Variants in RANBP17 observed in about 807,000 individuals in gnomAD.
RANBP17 encodes the protein RAN binding protein 17.
In RANBP17, 158 loss-of-function variants were observed where a neutral mutation model predicts 141.2. The observed-to-expected ratio is 1.12, with a 90% CI of 0.98 to 1.28. RANBP17 has a LOEUF of 1.28. Ranked by LOEUF, RANBP17 falls within the 50% of genes most tolerant of loss-of-function variation. The pLI is 0.00. For missense variants in RANBP17, 1,438 were observed against 1,290.7 expected, an observed-to-expected ratio of 1.11 and a Z score of -1.75; for synonymous variants, 430 against 450.0, an observed-to-expected ratio of 0.96 and a Z score of 0.56.
chr5:171,028,433 G>T (rs1242012998), intron 14 of RANBP17, among the ~76,000 whole-genome samples: 2 of 152,062 alleles, frequency 1.3e-5, no homozygotes, highest in African/African-American at 4.8e-5. Flanking sequence ...GTTAACCTCT[G>T]TAAGATATAT....
chr5:171,212,114 G>A (rs995165953), intron 20 of RANBP17, among the ~76,000 whole-genome samples: 1 of 152,176 alleles, frequency 6.6e-6, no homozygotes, highest in African/African-American at 2.4e-5. Flanking sequence ...TTAGGGAGAG[G>A]TAGGAGGCAA....
intron 9 of RANBP17, among the ~76,000 whole-genome samples, chr5:170,917,822 T>C (rs1227592370): frequency 6.6e-6 from 1 of 152,204 alleles, no homozygotes; most frequent in Non-Finnish European, 1.5e-5. Flanking sequence ...TAATGTTTCA[T>C]GGCTGTAAAA....
At chr5:170,929,466 T>G (rs1773170891) in intron 12 of RANBP17, among the ~76,000 whole-genome samples, 1 of 152,156 alleles carries the variant, frequency 6.6e-6, no homozygotes, top group African/African-American at 2.4e-5. Flanking sequence ...AGACCTTTTA[T>G]GCATCTATTC....
At chr5:170,876,758 T>A (rs1016744929) in intron 1 of RANBP17, among the ~76,000 whole-genome samples, 2 of 152,106 alleles carry the variant, frequency 1.3e-5, no homozygotes, top group African/African-American at 4.8e-5. Context: ...TGTGTATTCC[T>A]TTAATGAGAA....
intron 22 of RANBP17, among the ~76,000 whole-genome samples, chr5:171,225,353 T>C (rs1763823156): frequency 6.6e-6 from 1 of 152,246 alleles, no homozygotes; most frequent in Non-Finnish European, 1.5e-5. Context: ...ACATGCACTT[T>C]ACATAGAATA....
At chr5:171,257,770 G>A (rs775796328) in intron 24 of RANBP17, among the ~76,000 whole-genome samples, 11 of 152,170 alleles carry the variant, frequency 7.2e-5, no homozygotes, top group East Asian at 1.9e-4. Context: ...TGATCTATCC[G>A]AGAATGAAAT....
intron 5 of RANBP17, chr5:170,897,210 A>C: frequency 1.4e-6 from 1 of 690,688 alleles, no homozygotes; most frequent in Non-Finnish European, 2.7e-6. Flanking sequence ...GTGGATCACA[A>C]AGTTTTTGGC....
chr5:170,893,950 CCT>C (rs1362328210), intron 4 of RANBP17, among the ~76,000 whole-genome samples: 2 of 152,028 alleles, frequency 1.3e-5, no homozygotes, highest in African/African-American at 2.4e-5. Context: ...AAATTCAACC[CCT>C]GTCTAAGATA....
chr5:171,033,388 T>C lies in RANBP17; in HGVS notation c.1710+65011T>C, dbSNP rs1041399000. 2.0e-5 allele frequency among the ~76,000 whole-genome samples: 3 copies of C among 152,248 alleles called. No homozygotes were observed. The East Asian group carries it at 5.8e-4, about 29-fold the overall frequency. On this transcript the variant is annotated intron_variant, in intron 14 of 27. Coordinates refer to ENST00000523189, the MANE Select transcript of RANBP17 (RefSeq NM_022897.5). ...TAAAAGACTTTTGATGTTTCAAAGA[T>C]GAAAATAGAAAAAATATACTGCGTC...
intron 14 of RANBP17, among the ~76,000 whole-genome samples, chr5:171,096,914 T>C (rs2127736987): frequency 6.6e-6 from 1 of 152,314 alleles, no homozygotes. Context: ...GGTAGAACTT[T>C]AAGAAAATCA....
rs745780440 is a variant in RANBP17 at position 170,953,725 on chromosome 5, AC to A, written c.1574+24del. The A allele has an allele frequency of 2.8e-6, 4 of 1,437,112 alleles. No homozygotes were observed. The East Asian group carries it at 9.1e-5, about 33-fold the overall frequency. The allele number at this position is 1,437,112 out of a possible 1,614,324, so 89.0% of individuals were successfully genotyped here. On this transcript the variant is annotated intron_variant, in intron 13 of 27. Coordinates refer to ENST00000523189, the MANE Select transcript of RANBP17 (RefSeq NM_022897.5). ...TCGGTAAGTAAGAGCTATGTAATTTACTGAAATTCACTAAATAGTTAAAAAA... is the reference window on the plus strand; with the variant it reads ...TCGGTAAGTAAGAGCTATGTAATTTATGAAATTCACTAAATAGTTAAAAAA...
chr5:170,909,129 G>A (rs1272534090), intron 5 of RANBP17, among the ~76,000 whole-genome samples: 2 of 151,870 alleles, frequency 1.3e-5, no homozygotes, highest in South Asian at 2.1e-4. Context: ...AATATTCAGA[G>A]GGAATATACT....
intron 14 of RANBP17, among the ~76,000 whole-genome samples, chr5:171,077,080 C>T (rs1002516154): frequency 6.6e-6 from 1 of 152,194 alleles, no homozygotes; most frequent in African/African-American, 2.4e-5. Flanking sequence ...TGACTCACCC[C>T]TGTAATCCCA....
At chr5:170,922,570 C>T (rs561262677) in intron 11 of RANBP17, among the ~76,000 whole-genome samples, 69 of 152,310 alleles carry the variant, frequency 4.5e-4, no homozygotes, top group African/African-American at 1.5e-3. Context: ...AGTTTGATCT[C>T]AGACTGCTGC....
At chr5:171,177,990 G>A (rs779309062) in intron 16 of RANBP17, among the ~76,000 whole-genome samples, 3 of 149,314 alleles carry the variant, frequency 2.0e-5, no homozygotes, top group Non-Finnish European at 4.4e-5. Context: ...ATGCTTCATC[G>A]TTGTTATACC....
intron 25 of RANBP17, among the ~76,000 whole-genome samples, chr5:171,286,171 G>A (rs1181888473): frequency 6.6e-6 from 1 of 152,178 alleles, no homozygotes; most frequent in Non-Finnish European, 1.5e-5. Flanking sequence ...TGGCAGAGTG[G>A]GGGATGCTTT....
intron 18 of RANBP17, among the ~76,000 whole-genome samples, chr5:171,190,878 A>C (rs904076994): frequency 1.3e-5 from 2 of 152,230 alleles, no homozygotes; most frequent in Admixed American, 6.5e-5. Context: ...GGAAGTGCTC[A>C]GTGTCACCAA....
chr5:171,163,566 T>C (rs1759488295), intron 14 of RANBP17, among the ~76,000 whole-genome samples: 1 of 152,320 alleles, frequency 6.6e-6, no homozygotes, highest in Admixed American at 6.5e-5. Flanking sequence ...AATTGATTTC[T>C]TATTCATAGT....
chr5:171,012,940 G>A (rs544904315), intron 14 of RANBP17, among the ~76,000 whole-genome samples: 1 of 152,238 alleles, frequency 6.6e-6, no homozygotes, highest in African/African-American at 2.4e-5. Flanking sequence ...AAGATAGTCT[G>A]TATAGCTTCA....
Sources: gnomAD v4.1 joint callset for allele counts (sites outside exome capture counted in the v4.1 genomes callset) on GRCh38, gnomAD v4.1.1 for gene constraint, MANE v1.5 for transcripts, NCBI Gene and HGNC (gene_info 2026-07-23, HGNC 2026-07-21) for gene names.